Variants in LAMA3 observed in about 807,000 individuals in gnomAD.
LAMA3 encodes laminin subunit alpha-3.
LAMA3 carries 281 observed loss-of-function variants against 402.0 expected under a neutral mutation model. The observed-to-expected ratio is 0.70, with a 90% CI of 0.63 to 0.77. The LOEUF (loss-of-function observed/expected upper bound fraction) is 0.77. LAMA3 is among the 30% of genes least tolerant of loss of function. The pLI is 0.00. For synonymous variants in LAMA3, 1,431 were observed against 1,558.4 expected (o/e 0.92, Z 1.93); for missense variants, 3,840 against 4,215.5 (o/e 0.91, Z 2.47).
chr18:23,857,626 G>A (rs1029808458), intron 32 of LAMA3, among the ~76,000 whole-genome samples: 9 of 152,194 alleles, frequency 5.9e-5, no homozygotes, highest in Admixed American at 6.5e-5. Flanking sequence ...ACCCATCTAC[G>A]ACGGTCATCC....
At chr18:23,815,134 A>C in intron 15 of LAMA3, 54 bp from the exon 16 acceptor site, 1 of 1,510,764 alleles carries the variant, frequency 6.6e-7, no homozygotes, top group Non-Finnish European at 9.2e-7. Context: ...TCCCAGAGCC[A>C]GGAACTGTCT....
rs1243502009 is a variant in LAMA3, at chr18:23,833,945, T to A, written c.2941T>A (p.Ser981Thr). 1 of 1,614,086 alleles carries A rather than the reference T, an allele frequency of 6.2e-7. No individual in the cohort carries two copies. Residue 981 changes from serine to threonine, a missense_variant, in exon 24 of 75, where the codon TCT (serine) becomes ACT (threonine). Around this residue, in one of 3 missense-constraint regions of LAMA3, gnomAD observed 2,109 missense variants for 2,376.0 expected, o/e 0.89. Coordinates refer to ENST00000313654, the MANE Select transcript of LAMA3 (RefSeq NM_198129.4). The part of the protein sequence containing the change: ...VVDVNVKSSG[S>T]VLAGQVNIYS... ...TGATGTGAATGTGAAGAGCTCCGGG[T>A]CTGTTCTGGCAGGCCAGGTGAACAT...
chr18:23,878,622 G>A (rs976688750), intron 39 of LAMA3, among the ~76,000 whole-genome samples: 9 of 152,316 alleles, frequency 5.9e-5, no homozygotes, highest in Middle Eastern at 3.4e-3. Context: ...TGCATTCCTC[G>A]TTCTCAAAGA....
At chr18:23,885,265 T>C (rs1393780333) in intron 41 of LAMA3, among the ~76,000 whole-genome samples, 2 of 151,618 alleles carry the variant, frequency 1.3e-5, no homozygotes, top group East Asian at 3.9e-4. Context: ...CCTGTACACA[T>C]GTACAACTGT....
In LAMA3 at chr18:23,903,142, T is replaced by G; in HGVS notation, c.6318+17T>G. On this transcript the variant is annotated intron_variant, in intron 49 of 74. Transcript: ENST00000313654. ...AGCCAGAAGGTAGAGGAAATAGTTG[T>G]TCTCTAGAAAAATCTAAAAACATTT... 6.9e-7 allele frequency: 1 copy of G among 1,456,600 alleles called. No homozygotes were observed. The highest frequency in any genetic ancestry group is 9.6e-7 in the Non-Finnish European group (1 of 1,036,502). 90.2% of individuals were successfully genotyped at this position (1,456,600 alleles called of 1,614,324 possible).
intron 54 of LAMA3, 96 bp from the exon 55 acceptor site, chr18:23,909,057 A>C (rs1354502933): frequency 8.2e-7 from 1 of 1,222,192 alleles, no homozygotes; most frequent in Admixed American, 1.7e-5. Flanking sequence ...CTGGGGACCA[A>C]ACATGCCACT....
intron 2 of LAMA3, among the ~76,000 whole-genome samples, chr18:23,721,444 G>A (rs1445625787): frequency 4.6e-5 from 7 of 152,204 alleles, no homozygotes; most frequent in Non-Finnish European, 8.8e-5. Flanking sequence ...AATGAGGAAA[G>A]AGCATGGAAG....
At chr18:23,777,745 CAGGTG>C in intron 11 of LAMA3, 126 bp downstream of exon 11, 1 of 772,162 alleles carries the variant, frequency 1.3e-6, no homozygotes, top group Non-Finnish European at 2.3e-6. Flanking sequence ...AGGTGCCTTG[CAGGTG>C]TCTCCTAGTT....
rs1362870499 is a variant in LAMA3 at position 23,839,115 on chromosome 18, C to CTTAACCTTAA, written c.3191+237_3191+238insTTAACCTTAA. ...AACCAGGGAAATGGTTAAGCCTACC[C>CTTAACCTTAA]CTGGAGGGCAGGAACGCTGAGTTCT... On this transcript the variant is annotated intron_variant, in intron 26 of 74. Transcript: ENST00000313654. The surrounding 1 kb of genome is among the most constrained non-coding windows in gnomAD (Gnocchi z 4.5). Among the ~76,000 whole-genome samples the CTTAACCTTAA allele has an allele frequency of 2.0e-5, 3 of 152,212 alleles. No individual in the cohort carries two copies. Among genetic ancestry groups the CTTAACCTTAA allele is most frequent in the African/African-American group, 7.2e-5 (3 of 41,458 alleles).
At chr18:23,827,118 T>A (rs2063398096) in intron 22 of LAMA3, among the ~76,000 whole-genome samples, 196 bp from the exon 23 acceptor site, 1 of 152,218 alleles carries the variant, frequency 6.6e-6, no homozygotes, top group Non-Finnish European at 1.5e-5. Context: ...TTTGTGGACC[T>A]TTGTTTCTTC....
chr18:23,753,621 A>C, intron 5 of LAMA3, 100 bp from the exon 6 acceptor site: 1 of 833,214 alleles, frequency 1.2e-6, no homozygotes, highest in Non-Finnish European at 2.1e-6. Flanking sequence ...ACGGAATTTT[A>C]AAAGGGAAGC....
intron 42 of LAMA3, among the ~76,000 whole-genome samples, chr18:23,893,846 T>C (rs1229886219): frequency 6.6e-6 from 1 of 152,242 alleles, no homozygotes; most frequent in African/African-American, 2.4e-5. Flanking sequence ...GTTTGCACAA[T>C]GTTCTTGAAT....
At chr18:23,783,873 C>A in intron 11 of LAMA3, 150 bp from the exon 12 acceptor site, 2 of 1,038,434 alleles carry the variant, frequency 1.9e-6, no homozygotes, top group South Asian at 2.7e-5. Context: ...AATTTCCCTT[C>A]AACGCAGTGT....
At chr18:23,860,266 T>TC (rs571427117) in intron 34 of LAMA3, among the ~76,000 whole-genome samples, 3 of 145,254 alleles carry the variant, frequency 2.1e-5, no homozygotes, top group Non-Finnish European at 4.5e-5. Context: ...CTTTTCTTTT[T>TC]TTTTTTTTTT....
At chr18:23,699,258 C>T (rs1399029689) in intron 1 of LAMA3, among the ~76,000 whole-genome samples, 1 of 152,200 alleles carries the variant, frequency 6.6e-6, no homozygotes, top group African/African-American at 2.4e-5. Flanking sequence ...AATGTTGTCC[C>T]TGAGTGAGAC....
intron 8 of LAMA3, among the ~76,000 whole-genome samples, chr18:23,773,033 AT>A (rs1299055154): frequency 3.3e-5 from 5 of 152,390 alleles, no homozygotes; most frequent in Middle Eastern, 3.4e-3. Flanking sequence ...CACAGATAAA[AT>A]TAGAACGAAG....
intron 59 of LAMA3, 126 bp from the exon 60 acceptor site, chr18:23,916,425 A>G: frequency 1.8e-6 from 2 of 1,111,316 alleles, no homozygotes; most frequent in South Asian, 2.5e-5. Context: ...CTTTAACAAA[A>G]TTATGACAAC....
chr18:23,786,069 A>G (rs1393315721), intron 12 of LAMA3, among the ~76,000 whole-genome samples: 1 of 152,236 alleles, frequency 6.6e-6, no homozygotes, highest in African/African-American at 2.4e-5. Context: ...TAACCAGTGA[A>G]AATATTTTAA....
chr18:23,954,749 AC>A lies in LAMA3; in HGVS notation c.*103del. The A allele has an allele frequency of 7.9e-7, 1 of 1,259,312 alleles. No homozygotes were observed. Among genetic ancestry groups the A allele is most frequent in the Non-Finnish European group, 1.2e-6 (1 of 861,340 alleles). 78.0% of individuals were successfully genotyped at this position (1,259,312 alleles called of 1,614,324 possible). On this transcript the variant is annotated 3_prime_UTR_variant, in exon 75 of 75. Transcript: ENST00000313654. The stretch of plus-strand genomic sequence containing the variant: ...AGATCATTCTTCACTCAGGACACAA[AC>A]CAGACAGGTTTAATAGCGAATCTAA...
Sources: gnomAD v4.1 joint callset for allele counts (sites outside exome capture counted in the v4.1 genomes callset) on GRCh38, gnomAD v4.1.1 for gene constraint, gnomAD v4.1.1 regional missense constraint, Gnocchi (gnomAD v3.1) non-coding constraint, MANE v1.5 for transcripts, NCBI Gene and HGNC (gene_info 2026-07-23, HGNC 2026-07-21) for gene names.